Variants in IDE observed in about 807,000 individuals in gnomAD.
The protein encoded by IDE is insulin-degrading enzyme.
IDE carries 58 observed loss-of-function variants against 133.2 expected under a neutral mutation model. The ratio of observed to expected loss-of-function variants is 0.44; its 90% CI spans 0.35 to 0.54. The LOEUF is 0.54. Among genes scored for constraint, IDE ranks in the 20% least tolerant of loss-of-function variants. The pLI is 0.00. For synonymous variants in IDE, 396 were observed against 421.3 expected, an observed-to-expected ratio of 0.94 and a Z score of 0.73; for missense variants, 981 against 1,234.0, an observed-to-expected ratio of 0.79 and a Z score of 3.07.
chr10:92,500,860 G>A (rs534090092), intron 11 of IDE, among the ~76,000 whole-genome samples: 49 of 151,846 alleles, frequency 3.2e-4, no homozygotes, highest in Non-Finnish European at 6.6e-4. Flanking sequence ...GGCCAACATG[G>A]TGAAACCCCA....
At chr10:92,459,340 A>G (rs1160961450) in intron 22 of IDE, among the ~76,000 whole-genome samples, 1 of 152,246 alleles carries the variant, frequency 6.6e-6, no homozygotes, top group Non-Finnish European at 1.5e-5. Flanking sequence ...ACCCTAGTAC[A>G]GGAGAAAATG....
intron 13 of IDE, among the ~76,000 whole-genome samples, chr10:92,485,678 C>G (rs1846950146): frequency 6.6e-6 from 1 of 152,148 alleles, no homozygotes; most frequent in Non-Finnish European, 1.5e-5. Context: ...TATGGTAGCT[C>G]ACACCTATAA....
intron 10 of IDE, 27 bp from the exon 11 acceptor site, chr10:92,504,924 T>A (rs1272516587): frequency 6.8e-6 from 7 of 1,037,034 alleles, no homozygotes; most frequent in East Asian, 2.7e-5. Flanking sequence ...TATAAATAAA[T>A]AAAATATACA....
chr10:92,488,993 A>G (rs11187020), intron 12 of IDE, among the ~76,000 whole-genome samples: 7,830 of 150,156 alleles, frequency 0.052, 751 homozygotes, highest in African/African-American at 0.18. Flanking sequence ...AGCCTGGACA[A>G]CAGAGCAAGG....
chr10:92,475,120 C>G (rs1323448370), intron 16 of IDE, among the ~76,000 whole-genome samples, 159 bp from the exon 17 acceptor site: 12 of 152,156 alleles, frequency 7.9e-5, no homozygotes, highest in African/African-American at 2.7e-4. Flanking sequence ...GGGGTTTATT[C>G]CTCTCCGATC....
At chr10:92,468,485 T>C (rs1353680353) in intron 19 of IDE, among the ~76,000 whole-genome samples, 5 of 152,248 alleles carry the variant, frequency 3.3e-5, no homozygotes, top group Non-Finnish European at 5.9e-5. Flanking sequence ...TCTGCACCTG[T>C]GGGTTTCCTA....
intron 22 of IDE, among the ~76,000 whole-genome samples, chr10:92,460,415 CAGAGT>C (rs769949811): frequency 6.6e-6 from 1 of 152,048 alleles, no homozygotes; most frequent in Non-Finnish European, 1.5e-5. Context: ...ATATTCTTTG[CAGAGT>C]AGGGTGGAGA....
chr10:92,467,722 T>C (rs1845767159), intron 19 of IDE, among the ~76,000 whole-genome samples: 1 of 152,248 alleles, frequency 6.6e-6, no homozygotes. Context: ...CTAATTGTAG[T>C]GGGATCAGCA....
At position 92,452,608 on chromosome 10, in the gene IDE, T is replaced by A. The variant is rs1054516497; in HGVS notation, c.*1836A>T. 6.6e-6 allele frequency: 1 copy of A among 152,270 alleles called. No homozygotes were observed. Among genetic ancestry groups the A allele is most frequent in the Admixed American group, 6.5e-5 (1 of 15,282 alleles). 9.4% of individuals were successfully genotyped at this position (152,270 alleles called of 1,614,324 possible). A position where few individuals can be genotyped will look rare whatever the true frequency, so the allele number is the denominator to read the frequency against. Reference sequence around the variant, plus strand: ...GAGATTGCTCTCAGATCTCTTCATGTGTCATTCTCATAAAAAAGACACTTA... The same window carrying A: ...GAGATTGCTCTCAGATCTCTTCATGAGTCATTCTCATAAAAAAGACACTTA... On this transcript the variant is annotated 3_prime_UTR_variant, in exon 25 of 25. Transcript: ENST00000265986.
intron 13 of IDE, among the ~76,000 whole-genome samples, chr10:92,483,915 AAGCAACTCT>A (rs1448487987): frequency 6.6e-6 from 1 of 152,188 alleles, no homozygotes; most frequent in Non-Finnish European, 1.5e-5. Context: ...CTGCCATGTC[AAGCAACTCT>A]ACAGAGAGGT....
At position 92,535,096 on chromosome 10, in the gene IDE, T is replaced by TTTTA. The variant is rs545617668; in HGVS notation, c.284-315_284-312dup. 3.3e-3 allele frequency among the ~76,000 whole-genome samples: 498 copies of TTTTA among 152,062 alleles called. 1 individual carries two copies. The highest frequency in any genetic ancestry group is 0.011 in the African/African-American group (460 of 41,456). On this transcript the variant is annotated intron_variant, in intron 2 of 24. Coordinates refer to ENST00000265986, the MANE Select transcript of IDE (RefSeq NM_004969.4). ...ACAGTTTTAAGAGGTAAAATTTTCTTTTTATTTATTTATTTATTTATTTTT... is the reference window on the plus strand; with the variant it reads ...ACAGTTTTAAGAGGTAAAATTTTCTTTTTATTTATTTATTTATTTATTTATTTTT...
At chr10:92,465,898 A>G in intron 19 of IDE, 55 bp from the exon 20 acceptor site, 12 of 1,455,490 alleles carry the variant, frequency 8.2e-6, no homozygotes, top group South Asian at 1.1e-5. Context: ...GGGGTTTAAT[A>G]AAGTCAATGC....
intron 8 of IDE, 126 bp downstream of exon 8, chr10:92,507,987 G>A (rs1848386341): frequency 2.8e-6 from 2 of 723,754 alleles, no homozygotes; most frequent in Admixed American, 2.5e-5. Context: ...AAAATACAAT[G>A]GATAAGTTGT....
At chr10:92,521,722 TCAAA>T (rs556665474) in intron 4 of IDE, among the ~76,000 whole-genome samples, 26 of 151,936 alleles carry the variant, frequency 1.7e-4, no homozygotes, top group South Asian at 8.3e-4. Flanking sequence ...GAAAGACATA[TCAAA>T]CAATCACTAA....
chr10:92,470,278 A>G lies in IDE; in HGVS notation c.2184T>C (p.Leu728=). 6.2e-7 allele frequency: 1 copy of G among 1,605,196 alleles called. No individual in the cohort carries two copies. Among genetic ancestry groups the G allele is most frequent in the Non-Finnish European group, 8.5e-7 (1 of 1,175,266 alleles). ...QLLSRLHIEA[L]LHGNITKQAA... ...CCTGCTTTGTTATGTTTCCATGGAGAAGGGCTTCAATGTGCAGCCGTGACA... is the reference window on the plus strand; with the variant it reads ...CCTGCTTTGTTATGTTTCCATGGAGGAGGGCTTCAATGTGCAGCCGTGACA... Residue 728 remains leucine, a synonymous_variant, in exon 18 of 25, where the codon CTT becomes CTC. Coordinates refer to ENST00000265986, the MANE Select transcript of IDE (RefSeq NM_004969.4).
At chr10:92,563,005 C>T (rs1843349475) in intron 1 of IDE, among the ~76,000 whole-genome samples, 1 of 152,114 alleles carries the variant, frequency 6.6e-6, no homozygotes, top group Non-Finnish European at 1.5e-5. Flanking sequence ...AATCCCAGCA[C>T]TTTGGGAGGC....
chr10:92,484,824 G>C (rs1846870164), intron 13 of IDE, among the ~76,000 whole-genome samples: 1 of 152,074 alleles, frequency 6.6e-6, no homozygotes. Context: ...TTGGAAGGCT[G>C]AGGCAGGATC....
rs528166237 is a variant in IDE, at chr10:92,455,703, A to C, written c.2897-60T>G. The C allele has an allele frequency of 5.2e-4, 505 of 964,502 alleles. 2 individuals are homozygous for C. The highest frequency in any genetic ancestry group is 4.8e-3 in the African/African-American group (289 of 60,186). The allele number at this position is 964,502 out of a possible 1,614,324, so 59.7% of individuals were successfully genotyped here. A position where few individuals can be genotyped will look rare whatever the true frequency, so the allele number is the denominator to read the frequency against. ...TATTGATACTATCACAAAAGAACAA[A>C]AAAAAAAAACTAAACCAGACTCAGT... On this transcript the variant is annotated intron_variant, in intron 23 of 24. Coordinates refer to ENST00000265986, the MANE Select transcript of IDE (RefSeq NM_004969.4).
At chr10:92,508,039 C>T in intron 8 of IDE, 74 bp downstream of exon 8, 2 of 1,019,268 alleles carry the variant, frequency 2.0e-6, no homozygotes, top group East Asian at 2.4e-5. Context: ...AACAGATCCA[C>T]AGCATGAAGA....
Sources: allele counts gnomAD v4.1 joint callset (sites outside exome capture counted in the v4.1 genomes callset), GRCh38; gene constraint gnomAD v4.1.1; transcripts MANE v1.5; gene names NCBI Gene and HGNC (gene_info 2026-07-23, HGNC 2026-07-21).